Variants in PCDH15 observed in about 807,000 individuals in gnomAD.
PCDH15 encodes protocadherin-15.
PCDH15 carries 129 observed loss-of-function variants against 178.5 expected under a neutral mutation model. The observed-to-expected ratio is 0.72, with a 90% CI of 0.63 to 0.84. The LOEUF is 0.84. Ranked by LOEUF, PCDH15 falls within the 40% of genes least tolerant of loss-of-function variation. The pLI, the probability that PCDH15 is intolerant of heterozygous loss-of-function variation, is 0.00. For missense variants in PCDH15, 2,230 were observed against 2,099.9 expected, an observed-to-expected ratio of 1.06 and a Z score of -1.21; for synonymous variants, 800 against 732.0, an observed-to-expected ratio of 1.09 and a Z score of -1.50.
chr10:55,546,713 C>T (rs763836057), intron 2 of PCDH15, among the ~76,000 whole-genome samples: 8 of 152,226 alleles, frequency 5.3e-5, no homozygotes, highest in Non-Finnish European at 7.4e-5. Flanking sequence ...TATCTGCTTA[C>T]TTGTTCAATT....
At chr10:55,234,973 A>G (rs1191484545) in intron 1 of PCDH15, among the ~76,000 whole-genome samples, 1 of 152,048 alleles carries the variant, frequency 6.6e-6, no homozygotes, top group African/African-American at 2.4e-5. Context: ...AAATTTACAA[A>G]AATAAGTTAA....
intron 30 of PCDH15, among the ~76,000 whole-genome samples, chr10:53,828,964 A>G (rs771596461): frequency 7.9e-5 from 12 of 152,168 alleles, no homozygotes; most frequent in Non-Finnish European, 1.6e-4. Context: ...AGAGGTAGCA[A>G]GCCCTGATTA....
intron 3 of PCDH15, among the ~76,000 whole-genome samples, chr10:54,431,987 A>G (rs1589379416): frequency 2.0e-5 from 3 of 152,164 alleles, no homozygotes. Context: ...CCACAAATAA[A>G]ATAATATACC....
At chr10:53,882,715 T>C (rs141895611) in intron 26 of PCDH15, among the ~76,000 whole-genome samples, 2 of 152,334 alleles carry the variant, frequency 1.3e-5, no homozygotes, top group Admixed American at 6.5e-5. Flanking sequence ...ACTGATGGAA[T>C]TGTAATACAC....
intron 3 of PCDH15, among the ~76,000 whole-genome samples, chr10:54,517,320 C>T (rs2082334850): frequency 6.6e-6 from 1 of 152,098 alleles, no homozygotes; most frequent in Non-Finnish European, 1.5e-5. Flanking sequence ...AAACCCATCT[C>T]ATGTGCAGAG....
At chr10:54,244,491 T>C (rs143866802) in intron 8 of PCDH15, among the ~76,000 whole-genome samples, 58 of 152,278 alleles carry the variant, frequency 3.8e-4, no homozygotes, top group African/African-American at 1.2e-3. Context: ...TAACAAAAGG[T>C]TGGTGACTTG....
intron 1 of PCDH15, among the ~76,000 whole-genome samples, chr10:54,707,037 T>G (rs1021936800): frequency 6.6e-6 from 1 of 152,180 alleles, no homozygotes; most frequent in Non-Finnish European, 1.5e-5. Flanking sequence ...CTAATAGGGT[T>G]TACACATGTT....
intron 2 of PCDH15, among the ~76,000 whole-genome samples, chr10:55,468,865 A>G (rs541842057): frequency 3.9e-5 from 6 of 152,298 alleles, no homozygotes; most frequent in African/African-American, 9.6e-5. Flanking sequence ...CATAATACTT[A>G]TCTCTTATTT....
In PCDH15 at chr10:55,020,676, C is replaced by T. The variant is rs543519812; in HGVS notation, c.-79-123176G>A. On this transcript the variant is annotated intron_variant, in intron 2 of 5. Coordinates refer to the PCDH15 transcript ENST00000458638. ...ACTGGGTCACACAAATCTGCATTCG[C>T]CTTTTCGTTCCTAAATAAGATGGCT... is the stretch of plus-strand genomic sequence containing the variant. Among the ~76,000 whole-genome samples, 3 of 152,232 alleles carry T rather than the reference C, an allele frequency of 2.0e-5. No homozygotes were observed. In the South Asian group the frequency reaches 6.2e-4, roughly 32 times the overall value.
At chr10:54,592,709 G>T (rs1311611278) in intron 2 of PCDH15, among the ~76,000 whole-genome samples, 1 of 152,124 alleles carries the variant, frequency 6.6e-6, no homozygotes, top group Non-Finnish European at 1.5e-5. Flanking sequence ...TAAAGACTCA[G>T]AAGTGGGATT....
intron 2 of PCDH15, among the ~76,000 whole-genome samples, chr10:54,910,245 A>G (rs1172897840): frequency 1.3e-5 from 2 of 152,050 alleles, no homozygotes; most frequent in African/African-American, 4.8e-5. Flanking sequence ...CATCAATACC[A>G]CCAATACCTT....
At chr10:54,780,165 A>G (rs61854137) in intron 1 of PCDH15, among the ~76,000 whole-genome samples, 5 of 152,182 alleles carry the variant, frequency 3.3e-5, no homozygotes, top group Non-Finnish European at 5.9e-5. Flanking sequence ...GGTGCCACAC[A>G]TAAGTTCTAG....
chr10:54,186,763 T>G (rs767599117), intron 11 of PCDH15, among the ~76,000 whole-genome samples: 2 of 151,962 alleles, frequency 1.3e-5, no homozygotes, highest in Admixed American at 6.6e-5. Flanking sequence ...TCCATTTCAG[T>G]GTCATGAACC....
intron 21 of PCDH15, among the ~76,000 whole-genome samples, chr10:53,979,267 G>A (rs2090431447): frequency 1.3e-5 from 2 of 152,194 alleles, no homozygotes; most frequent in East Asian, 1.9e-4. Flanking sequence ...TTCTTCACAG[G>A]GTGACAGCAA....
intron 2 of PCDH15, among the ~76,000 whole-genome samples, chr10:54,591,077 T>C (rs2091856742): frequency 6.6e-6 from 1 of 152,144 alleles, no homozygotes. Flanking sequence ...ATTTCATCTG[T>C]AGGACCTAGC....
intron 2 of PCDH15, among the ~76,000 whole-genome samples, chr10:55,525,013 T>G (rs951322497): frequency 6.6e-6 from 1 of 151,766 alleles, no homozygotes; most frequent in Non-Finnish European, 1.5e-5. Flanking sequence ...ATTATGCATA[T>G]GTCCTCCCAT....
At chr10:54,206,952 G>T (rs2050860285) in intron 10 of PCDH15, among the ~76,000 whole-genome samples, 1 of 152,000 alleles carries the variant, frequency 6.6e-6, no homozygotes, top group Non-Finnish European at 1.5e-5. Context: ...TACAATGTTT[G>T]GTCTTGCTCT....
At chr10:55,210,979 C>T (rs189219609) in intron 1 of PCDH15, among the ~76,000 whole-genome samples, 80 of 151,954 alleles carry the variant, frequency 5.3e-4, no homozygotes, top group African/African-American at 1.8e-3. Flanking sequence ...CCCTGTAACC[C>T]CCTTGAAACG....
intron 32 of PCDH15, among the ~76,000 whole-genome samples, chr10:53,825,887 C>T (rs1431032680): frequency 2.0e-5 from 3 of 151,318 alleles, no homozygotes; most frequent in African/African-American, 7.2e-5. Context: ...TACAATTGTT[C>T]AAGTAAAAAT....
Sources: gnomAD v4.1 joint callset for allele counts (sites outside exome capture counted in the v4.1 genomes callset) on GRCh38, gnomAD v4.1.1 for gene constraint, MANE v1.5 for transcripts, NCBI Gene and HGNC (gene_info 2026-07-23, HGNC 2026-07-21) for gene names.